The following TMEM132E variants were observed in gnomAD, a reference collection of about 807,000 sequenced individuals.
The protein encoded by TMEM132E is transmembrane protein 132E.
TMEM132E carries 49 observed loss-of-function variants against 78.5 expected under a neutral mutation model. The observed-to-expected ratio is 0.62, with a 90% confidence interval of 0.50 to 0.79. The LOEUF is 0.79. Among genes scored for constraint, TMEM132E ranks in the 30% least tolerant of loss-of-function variants. The pLI is 0.00. For missense variants in TMEM132E, 1,403 were observed against 1,470.9 expected, an observed-to-expected ratio of 0.95 and a Z score of 0.75; for synonymous variants, 715 against 670.6, an observed-to-expected ratio of 1.07 and a Z score of -1.02.
chr17:34,610,242 A>C (rs528540207), intron 1 of TMEM132E, among the ~76,000 whole-genome samples: 1 of 152,316 alleles, frequency 6.6e-6, no homozygotes, highest in East Asian at 1.9e-4. Flanking sequence ...TAAGGGCAGA[A>C]ACTATCTTCT....
intron 1 of TMEM132E, among the ~76,000 whole-genome samples, chr17:34,619,884 G>A (rs1390878639): frequency 6.6e-6 from 1 of 152,260 alleles, no homozygotes; most frequent in Non-Finnish European, 1.5e-5. Flanking sequence ...ATGTGCATGT[G>A]CACACAGAGG....
chr17:34,610,282 A>G (rs1906545315), intron 1 of TMEM132E, among the ~76,000 whole-genome samples: 1 of 152,194 alleles, frequency 6.6e-6, no homozygotes, highest in South Asian at 2.1e-4. Flanking sequence ...AGTTCCCAGC[A>G]GGGTCTGGTG....
intron 4 of TMEM132E, among the ~76,000 whole-genome samples, chr17:34,629,631 G>A (rs968498259): frequency 1.3e-5 from 2 of 151,910 alleles, no homozygotes; most frequent in South Asian, 2.1e-4. Context: ...TCATGGAGTG[G>A]TAGGGCTGGA....
At chr17:34,629,570 A>G (rs1907278498) in intron 4 of TMEM132E, among the ~76,000 whole-genome samples, 2 of 152,200 alleles carry the variant, frequency 1.3e-5, no homozygotes, top group African/African-American at 4.8e-5. Context: ...AAGGTACAGT[A>G]GTGAGAATAT....
At chr17:34,618,236 T>A (rs1256847043) in intron 1 of TMEM132E, among the ~76,000 whole-genome samples, 2 of 152,132 alleles carry the variant, frequency 1.3e-5, no homozygotes, top group African/African-American at 2.4e-5. Context: ...AATTTTTTTG[T>A]TTTTTGTTTG....
chr17:34,581,062 G>A lies in TMEM132E; in HGVS notation c.-15G>A. ...ACTGTTGCTCTCTCGGACCCCTCCC[G>A]CCCCCGCCTCGGCCATGGCCCCGGG... On this transcript the variant is annotated 5_prime_UTR_variant, in exon 1 of 9. Coordinates refer to ENST00000631683, the MANE Select transcript of TMEM132E (RefSeq NM_001304438.2). 1 of 1,539,240 alleles carries A rather than the reference G, an allele frequency of 6.5e-7. No individual in the cohort carries two copies. The highest frequency in any genetic ancestry group is 8.7e-7 in the Non-Finnish European group (1 of 1,148,424).
chr17:34,638,380 G>C lies in TMEM132E; in HGVS notation c.*148G>C, dbSNP rs1471302914. 3 of 880,532 alleles carry C rather than the reference G, an allele frequency of 3.4e-6. No homozygotes were observed. The highest frequency in any genetic ancestry group is 5.0e-6 in the Non-Finnish European group (3 of 599,672). 54.5% of individuals were successfully genotyped at this position (880,532 alleles called of 1,614,324 possible). A position where few individuals can be genotyped will look rare whatever the true frequency, so the allele number is the denominator to read the frequency against. On this transcript the variant is annotated 3_prime_UTR_variant, in exon 9 of 9. Coordinates refer to ENST00000631683, the MANE Select transcript of TMEM132E (RefSeq NM_001304438.2). ...TGCAGCTTGGCTCCGTGCGGAGCGG[G>C]CCGCCTCAGTGTCTGGGCCTTCCCT... is the stretch of plus-strand genomic sequence containing the variant.
At chr17:34,628,815 G>T in intron 3 of TMEM132E, 106 bp downstream of exon 3, 1 of 1,419,248 alleles carries the variant, frequency 7.0e-7, no homozygotes, top group South Asian at 1.5e-5. Context: ...GCTGGGGCTC[G>T]GTCATTGGGG....
At chr17:34,596,621 G>C (rs1906067514) in intron 1 of TMEM132E, among the ~76,000 whole-genome samples, 2 of 152,022 alleles carry the variant, frequency 1.3e-5, no homozygotes, top group South Asian at 4.2e-4. Flanking sequence ...CTTAGCCCTT[G>C]GTCCATCATT....
rs1906762314 is a variant in TMEM132E, at chr17:34,615,779, G to C, written c.68-10348G>C. On this transcript the variant is annotated intron_variant, in intron 1 of 8. Transcript: ENST00000631683. ...TAGGAGAGAGGGGAGTCGGTCGCTG[G>C]GTCTTGGAGGATCTCTGCCTCCTGA... Among the ~76,000 whole-genome samples the C allele has an allele frequency of 1.3e-5, 2 of 151,828 alleles. 1 individual carries two copies. Among genetic ancestry groups the C allele is most frequent in the South Asian group, 4.2e-4 (2 of 4,806 alleles).
intron 5 of TMEM132E, 111 bp from the exon 6 acceptor site, chr17:34,632,593 C>G: frequency 1.8e-6 from 2 of 1,117,444 alleles, no homozygotes; most frequent in South Asian, 2.8e-5. Context: ...TCCTCCCCTT[C>G]AGCCTCCTAG....
chr17:34,597,589 T>C (rs868580022), intron 1 of TMEM132E, among the ~76,000 whole-genome samples: 1 of 151,836 alleles, frequency 6.6e-6, no homozygotes, highest in Non-Finnish European at 1.5e-5. Flanking sequence ...CCAGGCATGA[T>C]TCTTCTTGGG....
chr17:34,593,768 A>G (rs1905961949), intron 1 of TMEM132E, among the ~76,000 whole-genome samples: 1 of 152,212 alleles, frequency 6.6e-6, no homozygotes, highest in Admixed American at 6.5e-5. Flanking sequence ...CCACAAGTCA[A>G]ATCATCACCC....
At chr17:34,630,499 G>A (rs1332017251) in intron 5 of TMEM132E, among the ~76,000 whole-genome samples, 1 of 152,178 alleles carries the variant, frequency 6.6e-6, no homozygotes, top group African/African-American at 2.4e-5. Flanking sequence ...GGGGGAGAAA[G>A]CAGTGTCAAC....
At chr17:34,625,924 G>A (rs1459389187) in intron 1 of TMEM132E, among the ~76,000 whole-genome samples, 1 of 152,228 alleles carries the variant, frequency 6.6e-6, no homozygotes, top group East Asian at 1.9e-4. Context: ...TACCAGCAAA[G>A]GGGGTGCCAG....
chr17:34,628,889 G>C, intron 3 of TMEM132E, 123 bp from the exon 4 acceptor site: 3 of 1,383,288 alleles, frequency 2.2e-6, no homozygotes, highest in Non-Finnish European at 2.9e-6. Context: ...GGCTGGAGAA[G>C]GCCCAGAGGG....
At chr17:34,615,357 G>T (rs1431349492) in intron 1 of TMEM132E, among the ~76,000 whole-genome samples, 3 of 152,148 alleles carry the variant, frequency 2.0e-5, no homozygotes, top group African/African-American at 4.8e-5. Context: ...CTAGGTCTCT[G>T]TGATTTCCTT....
Position 34,613,211 on chromosome 17 carries a change from A to ACGCGCGCGCGCGCG in TMEM132E, c.68-12913_68-12900dup, listed in dbSNP as rs1555563343. On this transcript the variant is annotated intron_variant, in intron 1 of 8. Coordinates refer to ENST00000631683, the MANE Select transcript of TMEM132E (RefSeq NM_001304438.2). ...CACACACACACCCACACACACACAC[A>ACGCGCGCGCGCGCG]CGCGCGCGCGCGCGCGTTCTTACAT... is the stretch of plus-strand genomic sequence containing the variant. Among the ~76,000 whole-genome samples, 79 of 115,968 alleles carry ACGCGCGCGCGCGCG rather than the reference A, an allele frequency of 6.8e-4. 2 individuals carry two copies. Among genetic ancestry groups the ACGCGCGCGCGCGCG allele is most frequent in the Middle Eastern group, 4.9e-3 (1 of 204 alleles). 76.1% of individuals were successfully genotyped at this position (115,968 alleles called of 152,430 possible).
chr17:34,584,431 C>T (rs1158845886), intron 1 of TMEM132E, among the ~76,000 whole-genome samples: 1 of 152,222 alleles, frequency 6.6e-6, no homozygotes, highest in African/African-American at 2.4e-5. Flanking sequence ...GAACTTTTTC[C>T]ATGACTTCTT....
Sources: gnomAD v4.1 joint callset for allele counts (sites outside exome capture counted in the v4.1 genomes callset) on GRCh38, gnomAD v4.1.1 for gene constraint, MANE v1.5 for transcripts, NCBI Gene and HGNC (gene_info 2026-07-23, HGNC 2026-07-21) for gene names.